Variants in CAMTA2 observed in about 807,000 individuals in gnomAD.
CAMTA2 encodes the protein calmodulin-binding transcription activator 2.
A neutral mutation model predicts 135.7 loss-of-function variants in CAMTA2; 56 were observed. The observed-to-expected ratio is 0.41, with a 90% CI of 0.33 to 0.52. CAMTA2 has a LOEUF of 0.52. Ranked by LOEUF, CAMTA2 falls within the 20% of genes least tolerant of loss-of-function variation. The pLI is 0.16. For missense variants in CAMTA2, 1,358 were observed against 1,553.4 expected (o/e 0.87, Z 2.11); for synonymous variants, 591 against 604.6 (o/e 0.98, Z 0.33).
In CAMTA2 at chr17:4,977,162, AC is replaced by A; in HGVS notation, c.1795del (p.Val599TrpfsTer44). 1 of 1,614,022 alleles carries A rather than the reference AC, an allele frequency of 6.2e-7. No individual in the cohort carries two copies. Among genetic ancestry groups the A allele is most frequent in the Non-Finnish European group, 8.5e-7 (1 of 1,179,962 alleles). On this transcript the variant is annotated frameshift_variant, in exon 11 of 23. Transcript: ENST00000348066. LOFTEE classifies it high-confidence loss of function. ...AHEVGLVSLQ[V>X]AGREGPLSAS... ...AGAAAGGGGCCCCTCCCGCCCTGCCACCTGCAAAGACACCAGCCCTACCTCA... is the reference window on the plus strand; with the variant it reads ...AGAAAGGGGCCCCTCCCGCCCTGCCACTGCAAAGACACCAGCCCTACCTCA...
intron 9 of CAMTA2, 198 bp downstream of exon 9, chr17:4,979,486 G>T: frequency 2.4e-6 from 1 of 420,912 alleles, no homozygotes; most frequent in South Asian, 4.3e-5. Context: ...CTCCAGCCTG[G>T]GCAACAAGAG....
chr17:4,968,482 G>C lies in CAMTA2; in HGVS notation c.*274C>G. 1 of 562,880 alleles carries C rather than the reference G, an allele frequency of 1.8e-6. No homozygotes were observed. Among genetic ancestry groups the C allele is most frequent in the East Asian group, 2.9e-5 (1 of 33,938 alleles). The allele number at this position is 562,880 out of a possible 1,614,324, so 34.9% of individuals were successfully genotyped here. On this transcript the variant is annotated 3_prime_UTR_variant, in exon 23 of 23. Coordinates refer to ENST00000348066, the MANE Select transcript of CAMTA2 (RefSeq NM_015099.4). ...GCAGGCAGGAGGAGCTGGGGAGCAG[G>C]GGCAGGCAGGGCTCCGGAGGTCACA...
rs191877524 is a variant in CAMTA2 at position 4,978,505 on chromosome 17, G to A, written c.1764C>T (p.Pro588=). 1.8e-5 allele frequency: 29 copies of A among 1,613,728 alleles called. No homozygotes were observed. The African/African-American group carries it at 2.5e-4, about 14-fold the overall frequency. Residue 588 remains proline (P), a splice_region_variant and synonymous_variant, in exon 10 of 23, where the codon CCC becomes CCT. Transcript: ENST00000348066. ...CCCTACGGTTCCCAATCCTCATACCGGGACAGTAGCAGCGTAAGACACCAG... is the reference window on the plus strand; with the variant it reads ...CCCTACGGTTCCCAATCCTCATACCAGGACAGTAGCAGCGTAAGACACCAG... ...VQPGVLRCYC[P]AHEVGLVSLQ... is the part of the protein sequence containing the mutation.
At chr17:4,976,984 C>T in intron 11 of CAMTA2, 74 bp downstream of exon 11, 1 of 1,459,866 alleles carries the variant, frequency 6.8e-7, no homozygotes, top group Middle Eastern at 1.9e-4. Context: ...CACCTGAACC[C>T]TGAGTGGTCT....
intron 3 of CAMTA2, among the ~76,000 whole-genome samples, chr17:4,984,222 T>C (rs1467250841): frequency 6.6e-6 from 1 of 152,218 alleles, no homozygotes. Flanking sequence ...AGTGCTGGGA[T>C]TACAGGCGTG....
intron 16 of CAMTA2, among the ~76,000 whole-genome samples, chr17:4,971,634 C>T (rs996956854): frequency 3.0e-4 from 45 of 152,050 alleles, no homozygotes; most frequent in Non-Finnish European, 2.9e-4. Context: ...GGTGAGCCAC[C>T]GCACCCAGCC....
rs774625299 is a variant in CAMTA2, at chr17:4,972,406, G to A, written c.2634C>T (p.Asp878=). The A allele has an allele frequency of 3.6e-5, 58 of 1,613,990 alleles. No homozygotes were observed. The highest frequency in any genetic ancestry group is 4.8e-5 in the Non-Finnish European group (57 of 1,180,000). ...CAGAGGAAAGCTGGCCTGGGGCCAT[G>A]TCCTCCATAGTCATCTCAGAGGCTG... ...PLPASEMTME[D]MAPGQLSSGV... The change falls in exon 16 of 23, where the codon GAC becomes GAT. Residue 878 remains aspartate (D), a synonymous_variant. Coordinates refer to ENST00000348066, the MANE Select transcript of CAMTA2 (RefSeq NM_015099.4).
rs746853064 is a variant in CAMTA2, at chr17:4,969,651, G to A, written c.3240C>T (p.Arg1080=). The change falls in exon 19 of 23, where the codon CGC becomes CGT. Residue 1080 remains arginine, a synonymous_variant. Coordinates refer to ENST00000348066, the MANE Select transcript of CAMTA2 (RefSeq NM_015099.4). This position sits in a 1 kb window ranked among gnomAD's most constrained non-coding sequence, Gnocchi z 5.6. ...TCACCTGCTTGTACTTCCGGTAACA[G>A]CGCTGGATTACAGCTGCTGCTACCT... ...QQEVAAAVIQ[R]CYRKYKQLTW... 6.2e-7 allele frequency: 1 copy of A among 1,614,138 alleles called. No individual in the cohort carries two copies. The highest frequency in any genetic ancestry group is 1.1e-5 in the South Asian group (1 of 91,080).
intron 16 of CAMTA2, among the ~76,000 whole-genome samples, chr17:4,971,223 C>T (rs996695982): frequency 6.6e-6 from 1 of 152,184 alleles, no homozygotes; most frequent in Non-Finnish European, 1.5e-5. Context: ...TGCCAAATAC[C>T]CTCATCTTGC....
chr17:4,968,915 G>A lies in CAMTA2; in HGVS notation c.3537C>T (p.Cys1179=). 1 of 1,614,106 alleles carries A rather than the reference G, an allele frequency of 6.2e-7. No individual in the cohort carries two copies. The highest frequency in any genetic ancestry group is 8.5e-7 in the Non-Finnish European group (1 of 1,179,976). ...ARKIMRFLRR[C]RHRMRELKQN... ...GGAGAAGGGATGAGTACCTGTGTCG[G>A]CAGCGCCGCAGGAATCTCATGATCT... Residue 1179 remains cysteine, a synonymous_variant, in exon 22 of 23, where the codon TGC becomes TGT. Coordinates refer to ENST00000348066, the MANE Select transcript of CAMTA2 (RefSeq NM_015099.4).
Position 4,972,539 on chromosome 17 carries a change from G to C in CAMTA2, c.2504-3C>G. On this transcript the variant is annotated splice_polypyrimidine_tract_variant and splice_region_variant and intron_variant, in intron 15 of 22. Coordinates refer to ENST00000348066, the MANE Select transcript of CAMTA2 (RefSeq NM_015099.4). ...GGGCGAGGAGACGCTGCTCAGACCTGTGTGGGGAGGGAAGAGAGTGAGGGC... is the reference window on the plus strand; with the variant it reads ...GGGCGAGGAGACGCTGCTCAGACCTCTGTGGGGAGGGAAGAGAGTGAGGGC... 1.2e-6 allele frequency: 2 copies of C among 1,600,512 alleles called. No individual in the cohort carries two copies. Among genetic ancestry groups the C allele is most frequent in the Non-Finnish European group, 1.7e-6 (2 of 1,174,412 alleles).
At chr17:4,987,040 C>T (rs1312914406) in intron 1 of CAMTA2, 7 of 1,415,588 alleles carry the variant, frequency 4.9e-6, no homozygotes, top group Middle Eastern at 1.8e-4. Context: ...GCACGGGCTC[C>T]GCCAGGTGTC....
chr17:4,973,469 C>T, intron 13 of CAMTA2, 116 bp downstream of exon 13: 1 of 1,106,500 alleles, frequency 9.0e-7, no homozygotes, highest in Non-Finnish European at 1.3e-6. Context: ...CCCCTCCCTT[C>T]CCACAATGAC....
chr17:4,981,510 A>G (rs1220442552), intron 7 of CAMTA2, 151 bp from the exon 8 acceptor site: 67 of 1,299,970 alleles, frequency 5.2e-5, no homozygotes, highest in Non-Finnish European at 7.1e-5. Flanking sequence ...ATGTTGCTTT[A>G]GTCCTTTCTC....
At chr17:4,986,603 G>A in intron 1 of CAMTA2, 2 of 510,436 alleles carry the variant, frequency 3.9e-6, no homozygotes, top group Non-Finnish European at 3.4e-6. Context: ...GGCTATGGTT[G>A]GGTCAGGTCC....
At position 4,972,495 on chromosome 17, in the gene CAMTA2, T is replaced by A; in HGVS notation, c.2545A>T (p.Thr849Ser). ...GAATAGGCTGACGTGACGGAAAAGG[T>A]GCCATCCGACAGCTCCGAGGGCGAG... ...VSSPSELSDG[T>S]FSVTSAYSSA... The change falls in exon 16 of 23, where the codon ACC becomes TCC. Residue 849 changes from threonine (T) to serine (S), a missense_variant. Thr to Ser is a moderately conservative substitution (Grantham distance 58). This residue lies in a region of CAMTA2 where 1,077 missense variants were observed against 1,127.5 expected (regional missense o/e 0.96). Transcript: ENST00000348066. The A allele has an allele frequency of 6.2e-7, 1 of 1,611,242 alleles. No homozygotes were observed. Among genetic ancestry groups the A allele is most frequent in the Non-Finnish European group, 8.5e-7 (1 of 1,178,996 alleles).
chr17:4,986,948 G>A, intron 1 of CAMTA2: 1 of 1,518,770 alleles, frequency 6.6e-7, no homozygotes, highest in South Asian at 1.2e-5. Flanking sequence ...TCCAGGCCTA[G>A]CCTACCCCAT....
intron 11 of CAMTA2, among the ~76,000 whole-genome samples, chr17:4,976,759 A>G (rs939910546): frequency 5.9e-5 from 9 of 152,150 alleles, no homozygotes; most frequent in Admixed American, 5.9e-4. Context: ...TAGCACCTAT[A>G]TATTGCTCTA....
chr17:4,970,558 G>A, intron 16 of CAMTA2, 22 bp from the exon 17 acceptor site: 1 of 1,601,226 alleles, frequency 6.2e-7, no homozygotes, highest in Non-Finnish European at 8.5e-7. Flanking sequence ...GAGAAGCTGA[G>A]TGAGTCCTTA....
Sources: allele counts gnomAD v4.1 joint callset (sites outside exome capture counted in the v4.1 genomes callset), GRCh38; gene constraint gnomAD v4.1.1; regional missense constraint gnomAD v4.1.1; non-coding constraint Gnocchi (gnomAD v3.1); transcripts MANE v1.5; gene names NCBI Gene and HGNC (gene_info 2026-07-23, HGNC 2026-07-21).